Variants in MCMBP observed in about 807,000 individuals in gnomAD.
MCMBP encodes the protein mini-chromosome maintenance complex-binding protein.
In MCMBP, 31 loss-of-function variants were observed where a neutral mutation model predicts 81.3. The ratio of observed to expected loss-of-function variants is 0.38; its 90% CI spans 0.29 to 0.51. MCMBP has a LOEUF of 0.51. Among genes scored for constraint, MCMBP ranks in the 20% least tolerant of loss-of-function variants. The probability of loss-of-function intolerance (pLI) is 0.87; values close to 1 mark genes in which losing one functional copy is unlikely to be tolerated. For missense variants in MCMBP, 645 were observed against 772.1 expected (o/e 0.84, Z 1.95); for synonymous variants, 267 against 275.9 (o/e 0.97, Z 0.32).
intron 13 of MCMBP, 136 bp from the exon 14 acceptor site, chr10:119,835,840 T>A: frequency 1.1e-6 from 1 of 950,680 alleles, no homozygotes; most frequent in Non-Finnish European, 1.6e-6. Context: ...GGGAATAATG[T>A]TTTTTTTTCT....
intron 4 of MCMBP, chr10:119,858,095 T>C (rs1292254648): frequency 6.6e-6 from 1 of 152,206 alleles, no homozygotes; most frequent in Non-Finnish European, 1.5e-5. Flanking sequence ...ATGATTACAG[T>C]ATCCCTTGTT....
rs769329092 is a variant in MCMBP at position 119,849,537 on chromosome 10, C to T, written c.614G>A (p.Arg205His). ...GGLQWCGEPK[R>H]LETEASTGQQ... Reference sequence around the variant, plus strand: ...CCCAGTAGAAGCTTCAGTTTCTAAACGTTTTGGCTCTCCACACCATTGAAG... The same window carrying T: ...CCCAGTAGAAGCTTCAGTTTCTAAATGTTTTGGCTCTCCACACCATTGAAG... The change falls in exon 7 of 16, where the codon CGT becomes CAT. Residue 205 changes from arginine (R) to histidine (H), a missense_variant. By Grantham distance (29) the Arg-to-His change is conservative. Coordinates refer to ENST00000369077, the MANE Select transcript of MCMBP (RefSeq NM_001256378.2). The T allele has an allele frequency of 1.2e-6, 2 of 1,607,488 alleles. No individual in the cohort carries two copies. Among genetic ancestry groups the T allele is most frequent in the East Asian group, 2.2e-5 (1 of 44,538 alleles).
At chr10:119,861,264 T>C (rs992415708) in intron 1 of MCMBP, among the ~76,000 whole-genome samples, 1 of 152,086 alleles carries the variant, frequency 6.6e-6, no homozygotes, top group Non-Finnish European at 1.5e-5. Flanking sequence ...GAAAAAGAAG[T>C]AGGGATGGGG....
rs556418143 is a variant in MCMBP at position 119,843,753 on chromosome 10, C to T, written c.828-327G>A. ...CTTGGCTCATTGCAACCTCTGCCTC[C>T]TGGGTTCAAGCGATTCTCATGCCTC... On this transcript the variant is annotated intron_variant, in intron 8 of 15. Transcript: ENST00000369077. 9.9e-5 allele frequency among the ~76,000 whole-genome samples: 15 copies of T among 152,214 alleles called. No individual in the cohort carries two copies. In the East Asian group the frequency reaches 2.5e-3, roughly 25 times the overall value.
In MCMBP at chr10:119,838,678, A is replaced by G. The variant is rs933462887; in HGVS notation, c.1265T>C (p.Ile422Thr). 10 of 1,611,248 alleles carry G rather than the reference A, an allele frequency of 6.2e-6. No individual in the cohort carries two copies. In the Admixed American group the frequency reaches 6.7e-5, roughly 11 times the overall value. Reference sequence around the variant, plus strand: ...GAATTTCAAATGGTTCATGTTCTCTATAGTCATCTGCAGACGAAAAGACTG... The same window carrying G: ...GAATTTCAAATGGTTCATGTTCTCTGTAGTCATCTGCAGACGAAAAGACTG... The part of the protein sequence containing the change: ...VPASFRLQMT[I>T]ENMNHLKFIP... The change falls in exon 12 of 16, where the codon ATA (isoleucine) becomes ACA (threonine). Residue 422 changes from isoleucine (I) to threonine (T), a missense_variant. Coordinates refer to ENST00000369077, the MANE Select transcript of MCMBP (RefSeq NM_001256378.2).
chr10:119,855,811 A>G (rs1456745699), intron 5 of MCMBP, among the ~76,000 whole-genome samples: 1 of 152,254 alleles, frequency 6.6e-6, no homozygotes, highest in South Asian at 2.1e-4. Flanking sequence ...GATCAATGCT[A>G]GATATCCCAC....
chr10:119,842,434 C>T (rs1260601627), intron 10 of MCMBP, 38 bp downstream of exon 10: 1 of 1,587,128 alleles, frequency 6.3e-7, no homozygotes, highest in South Asian at 1.2e-5. Flanking sequence ...TCCACACACA[C>T]CAAACTCCCC....
Position 119,836,757 on chromosome 10 carries a change from GTTTTTTTTTTTTTTTTTTTTTTTTT to G in MCMBP, c.1542+114_1542+138del, listed in dbSNP as rs199759464. ...ATTCCCTTAATGATCAGCAGTCACA[GTTTTTTTTTTTTTTTTTTTTTTTTT>G]TTTTTTTTTTTTACAACAAATGTAA... On this transcript the variant is annotated intron_variant, in intron 13 of 15. Transcript: ENST00000369077. The G allele has an allele frequency of 9.8e-4, 291 of 296,726 alleles. 2 individuals are homozygous for G. Among genetic ancestry groups the G allele is most frequent in the South Asian group, 4.4e-3 (129 of 29,298 alleles). 18.4% of individuals were successfully genotyped at this position (296,726 alleles called of 1,614,324 possible).
At chr10:119,852,536 T>C (rs539259508) in intron 6 of MCMBP, among the ~76,000 whole-genome samples, 1 of 152,124 alleles carries the variant, frequency 6.6e-6, no homozygotes, top group Non-Finnish European at 1.5e-5. Context: ...GTTAGCTGCA[T>C]GTGGTGGCAT....
At chr10:119,863,659 G>A (rs1488373951) in intron 1 of MCMBP, among the ~76,000 whole-genome samples, 1 of 133,360 alleles carries the variant, frequency 7.5e-6, no homozygotes, top group Non-Finnish European at 1.6e-5. Flanking sequence ...AACCCAGGAG[G>A]CGGAGGTTTC....
intron 10 of MCMBP, among the ~76,000 whole-genome samples, chr10:119,841,186 C>A (rs961862839): frequency 6.6e-6 from 1 of 152,226 alleles, no homozygotes; most frequent in African/African-American, 2.4e-5. Flanking sequence ...AATGCTTCCT[C>A]ATTTAACCCC....
At chr10:119,849,320 C>T in intron 7 of MCMBP, 105 bp downstream of exon 7, 4 of 1,203,570 alleles carry the variant, frequency 3.3e-6, no homozygotes, top group Non-Finnish European at 4.6e-6. Context: ...CAGTGATTTG[C>T]TATAGCTAGC....
chr10:119,840,765 T>A, intron 11 of MCMBP, 78 bp downstream of exon 11: 1 of 777,730 alleles, frequency 1.3e-6, no homozygotes, highest in Non-Finnish European at 2.0e-6. Flanking sequence ...AAGTTAAATA[T>A]TTGAAGTGAA....
At position 119,848,505 on chromosome 10, in the gene MCMBP, C is replaced by G. The variant is rs1417863603; in HGVS notation, c.727-792G>C. 3.3e-5 allele frequency among the ~76,000 whole-genome samples: 5 copies of G among 152,106 alleles called. 1 individual carries two copies. In the South Asian group the frequency reaches 8.3e-4, roughly 25 times the overall value. The stretch of plus-strand genomic sequence containing the variant: ...GTGCATGCCTGTAATCTCAGCTACT[C>G]AGGAGGCTGAGGCACGAGAATTGCC... On this transcript the variant is annotated intron_variant, in intron 7 of 15. Coordinates refer to ENST00000369077, the MANE Select transcript of MCMBP (RefSeq NM_001256378.2).
intron 6 of MCMBP, among the ~76,000 whole-genome samples, chr10:119,851,381 T>A (rs956348109): frequency 1.3e-5 from 2 of 152,198 alleles, no homozygotes; most frequent in African/African-American, 4.8e-5. Flanking sequence ...GATAAGAGAA[T>A]TAACATATTT....
Position 119,843,392 on chromosome 10 carries a change from T to C in MCMBP, c.862A>G (p.Thr288Ala). 1.2e-6 allele frequency: 2 copies of C among 1,614,030 alleles called. No individual in the cohort carries two copies. Among genetic ancestry groups the C allele is most frequent in the Non-Finnish European group, 1.7e-6 (2 of 1,179,904 alleles). ...ACTCTCTGCTCCTCTGCTGTGTCTG[T>C]GCACTCCATCGGATCCAGCAGTGCA... ...ASALLDPMEC[T>A]DTAEEQRVHS... The change falls in exon 9 of 16, where the codon ACA becomes GCA. Residue 288 changes from threonine (T) to alanine (A), a missense_variant. Physicochemically the swap from Thr to Ala is moderately conservative, Grantham distance 58. Coordinates refer to ENST00000369077, the MANE Select transcript of MCMBP (RefSeq NM_001256378.2).
At chr10:119,843,154 A>G in intron 9 of MCMBP, 100 bp downstream of exon 9, 1 of 1,301,054 alleles carries the variant, frequency 7.7e-7, no homozygotes, top group Non-Finnish European at 1.1e-6. Context: ...TGAGGAATGA[A>G]GACCTGACTC....
Position 119,832,092 on chromosome 10 carries a change from T to G in MCMBP, c.1716A>C (p.Glu572Asp). The change falls in exon 15 of 16, where the codon GAA becomes GAC. Residue 572 changes from glutamate (E) to aspartate (D), a missense_variant. Coordinates refer to ENST00000369077, the MANE Select transcript of MCMBP (RefSeq NM_001256378.2). ...TCTTCCGCATTTCCACAAAGTCATC[T>G]TCAACTGCCTTTATCAAAAGAGTAA... ...SISDEITKAV[E>D]DDFVEMRKND... 6.2e-7 allele frequency: 1 copy of G among 1,611,700 alleles called. No individual in the cohort carries two copies.
chr10:119,849,500 G>A lies in MCMBP; in HGVS notation c.651C>T (p.Asn217=), dbSNP rs777612041. 3.7e-6 allele frequency: 6 copies of A among 1,611,070 alleles called. No homozygotes were observed. The highest frequency in any genetic ancestry group is 5.1e-6 in the Non-Finnish European group (6 of 1,179,130). The part of the protein sequence containing the change: ...ETEASTGQQL[N]SLNLSSPFDL... ...CAAAAGGAGAAGACAAGTTCAGAGA[G>A]TTCAGCTGTTGCCCAGTAGAAGCTT... Residue 217 remains asparagine, a synonymous_variant, in exon 7 of 16, where the codon AAC becomes AAT. Coordinates refer to ENST00000369077, the MANE Select transcript of MCMBP (RefSeq NM_001256378.2).
Sources: allele counts gnomAD v4.1 joint callset (sites outside exome capture counted in the v4.1 genomes callset), GRCh38; gene constraint gnomAD v4.1.1; transcripts MANE v1.5; gene names NCBI Gene and HGNC (gene_info 2026-07-23, HGNC 2026-07-21).